DYDC2: variants seen among roughly 807,000 people sequenced by gnomAD.
DYDC2 encodes DPY30 domain containing 2.
DYDC2 carries 19 observed loss-of-function variants against 18.7 expected under a neutral mutation model. The observed-to-expected ratio is 1.02, with a 90% CI of 0.71 to 1.49. The LOEUF (loss-of-function observed/expected upper bound fraction) is 1.49. DYDC2 is among the 40% of genes most tolerant of loss of function. DYDC2 has a pLI of 0.00. For synonymous variants in DYDC2, 63 were observed against 67.6 expected, an observed-to-expected ratio of 0.93 and a Z score of 0.34; for missense variants, 179 against 205.1, an observed-to-expected ratio of 0.87 and a Z score of 0.78.
chr10:80,358,326 C>T lies in DYDC2; in HGVS notation c.-10+281C>T, dbSNP rs11202665. 8.5e-3 allele frequency among the ~76,000 whole-genome samples: 1,295 copies of T among 152,168 alleles called. 9 individuals carry two copies. Among genetic ancestry groups the T allele is most frequent in the South Asian group, 0.021 (102 of 4,814 alleles). On this transcript the variant is annotated intron_variant, in intron 2 of 4. Transcript: ENST00000256039. ...CAAGGAGGCAGAGATTGCAGTAAGA[C>T]GAGATTGTGCCACTGCACTCCAGCC...
chr10:80,356,870 CAG>C, intron 1 of DYDC2, 45 bp downstream of exon 1: 1 of 983,744 alleles, frequency 1.0e-6, no homozygotes, highest in Non-Finnish European at 1.2e-6. Flanking sequence ...GAACGCGCAG[CAG>C]AGAGGAGAGG....
chr10:80,355,405 C>T (rs1235549177), upstream of DYDC2, among the ~76,000 whole-genome samples: 6 of 152,172 alleles, frequency 3.9e-5, no homozygotes, highest in Admixed American at 3.9e-4. Context: ...AATGGTATAA[C>T]TCCTATGGAG....
At chr10:80,357,829 C>A (rs1279851343) in intron 1 of DYDC2, 64 bp from the exon 2 acceptor site, 4 of 985,342 alleles carry the variant, frequency 4.1e-6, no homozygotes, top group Non-Finnish European at 4.8e-6. Context: ...GTGGAAAAAT[C>A]AAAGGGAAGC....
intron 1 of DYDC2, among the ~76,000 whole-genome samples, chr10:80,350,301 C>T (rs377053147): frequency 2.0e-5 from 3 of 152,250 alleles, no homozygotes; most frequent in South Asian, 4.2e-4. Flanking sequence ...ATAAAGTAGT[C>T]GAGCCGAAGA....
At position 80,367,956 on chromosome 10, in the gene DYDC2, A is replaced by G. The variant is rs1458433744; in HGVS notation, c.*1005A>G. 1.3e-5 allele frequency: 2 copies of G among 152,034 alleles called. No homozygotes were observed. The highest frequency in any genetic ancestry group is 4.8e-5 in the African/African-American group (2 of 41,376). 9.4% of individuals were successfully genotyped at this position (152,034 alleles called of 1,614,324 possible). A position where few individuals can be genotyped will look rare whatever the true frequency, so the allele number is the denominator to read the frequency against. ...CTTGCAAAACTGAAACTCTACACCC[A>G]TTAAAAAATAACTCGCCATTTCTCT... On this transcript the variant is annotated 3_prime_UTR_variant, in exon 5 of 5. Coordinates refer to ENST00000256039, the MANE Select transcript of DYDC2 (RefSeq NM_032372.6).
At chr10:80,359,944 C>T (rs1033839343) in intron 2 of DYDC2, among the ~76,000 whole-genome samples, 1 of 152,206 alleles carries the variant, frequency 6.6e-6, no homozygotes, top group African/African-American at 2.4e-5. Flanking sequence ...AGTGCAGCGG[C>T]GGGCTGAAGG....
chr10:80,357,940 C>A lies in DYDC2; in HGVS notation c.-115C>A. The A allele has an allele frequency of 1.0e-6, 1 of 984,888 alleles. No homozygotes were observed. The highest frequency in any genetic ancestry group is 1.2e-6 in the Non-Finnish European group (1 of 829,482). The allele number at this position is 984,888 out of a possible 1,614,324, so 61.0% of individuals were successfully genotyped here. A position where few individuals can be genotyped will look rare whatever the true frequency, so the allele number is the denominator to read the frequency against. ...GGCGGTATACAGTAAACAAAGACAACCCCTATTCTTATCACCTTGCCTACT... is the reference window on the plus strand; with the variant it reads ...GGCGGTATACAGTAAACAAAGACAAACCCTATTCTTATCACCTTGCCTACT... On this transcript the variant is annotated 5_prime_UTR_variant, in exon 2 of 5. Transcript: ENST00000256039.
At chr10:80,352,553 C>CTTGA (rs774702387), upstream of DYDC2, 3 of 1,613,474 alleles carry the variant, frequency 1.9e-6, no homozygotes, top group Non-Finnish European at 2.5e-6. Context: ...TCTGCAAGAC[C>CTTGA]TTGAGTTAAA....
chr10:80,357,836 A>C, intron 1 of DYDC2, 57 bp from the exon 2 acceptor site: 4 of 985,718 alleles, frequency 4.1e-6, no homozygotes, highest in Non-Finnish European at 4.8e-6. Context: ...AATCAAAGGG[A>C]AGCATGAGGG....
chr10:80,365,978 C>A (rs1934692), intron 4 of DYDC2, among the ~76,000 whole-genome samples: 112,815 of 149,580 alleles, frequency 0.75, 43,415 homozygotes, highest in East Asian at 0.97. Flanking sequence ...AATAGCTGTC[C>A]TTGTCTGTTA....
chr10:80,362,855 A>C, intron 3 of DYDC2, 96 bp from the exon 4 acceptor site: 1 of 1,483,890 alleles, frequency 6.7e-7, no homozygotes, highest in South Asian at 1.4e-5. Flanking sequence ...AACAGGCCCA[A>C]AGAGCCCACA....
intron 2 of DYDC2, among the ~76,000 whole-genome samples, chr10:80,359,843 C>G (rs1003812526): frequency 1.6e-4 from 25 of 152,128 alleles, no homozygotes; most frequent in African/African-American, 5.6e-4. Context: ...GAGTGCCACA[C>G]GCGGCCCCAT....
chr10:80,358,715 T>C (rs1287168377), intron 2 of DYDC2, among the ~76,000 whole-genome samples: 1 of 152,164 alleles, frequency 6.6e-6, no homozygotes, highest in African/African-American at 2.4e-5. Flanking sequence ...TCTGAATCTG[T>C]GGTGGGACCT....
rs902875310 is a variant in DYDC2, at chr10:80,359,539, G to A, written c.-10+1494G>A. ...GGCGGTCGATGGGACCGGGCACCGCGGAGCAGTGGGTGGCGCTCATCAGGG... is the reference window on the plus strand; with the variant it reads ...GGCGGTCGATGGGACCGGGCACCGCAGAGCAGTGGGTGGCGCTCATCAGGG... On this transcript the variant is annotated intron_variant, in intron 2 of 4. Coordinates refer to ENST00000256039, the MANE Select transcript of DYDC2 (RefSeq NM_032372.6). Among the ~76,000 whole-genome samples the A allele has an allele frequency of 1.3e-4, 20 of 152,284 alleles. 1 individual carries two copies. The highest frequency in any genetic ancestry group is 3.4e-3 in the Middle Eastern group (1 of 294).
At chr10:80,363,318 T>C (rs1469254497) in intron 4 of DYDC2, among the ~76,000 whole-genome samples, 2 of 151,238 alleles carry the variant, frequency 1.3e-5, no homozygotes, top group Middle Eastern at 3.4e-3. Flanking sequence ...CTGGTGTTAC[T>C]GGTTTTAAAA....
intron 2 of DYDC2, among the ~76,000 whole-genome samples, chr10:80,360,095 G>A (rs577280956): frequency 1.2e-4 from 18 of 152,358 alleles, no homozygotes; most frequent in Non-Finnish European, 2.5e-4. Flanking sequence ...TGAGTAAGAG[G>A]GGTGTAGAAG....
At chr10:80,359,768 T>C (rs1257285184) in intron 2 of DYDC2, among the ~76,000 whole-genome samples, 2 of 152,182 alleles carry the variant, frequency 1.3e-5, no homozygotes, top group Non-Finnish European at 2.9e-5. Context: ...CCTGCAGTGC[T>C]GGCCGGCTGA....
At chr10:80,353,576 G>A (rs1207955741), upstream of DYDC2, among the ~76,000 whole-genome samples, 1 of 150,752 alleles carries the variant, frequency 6.6e-6, no homozygotes, top group Non-Finnish European at 1.5e-5. Flanking sequence ...AATCGGCTGG[G>A]CACAGTGGCT....
chr10:80,357,401 G>A lies in DYDC2; in HGVS notation c.-162-492G>A, dbSNP rs115609555. Among the ~76,000 whole-genome samples, 1,074 of 152,116 alleles carry A rather than the reference G, an allele frequency of 7.1e-3. 11 individuals carry two copies. The highest frequency in any genetic ancestry group is 0.024 in the African/African-American group (1,014 of 41,492). The stretch of plus-strand genomic sequence containing the variant: ...TACACAGAAACCTGGAGGAGTAGGG[G>A]CACACAAAAGAGCAAGGGACCCTGA... On this transcript the variant is annotated intron_variant, in intron 1 of 4. Transcript: ENST00000256039.
Sources: allele counts gnomAD v4.1 joint callset (sites outside exome capture counted in the v4.1 genomes callset), GRCh38; gene constraint gnomAD v4.1.1; transcripts MANE v1.5; gene names NCBI Gene and HGNC (gene_info 2026-07-23, HGNC 2026-07-21).